The following BNC2 variants were observed in gnomAD, a reference collection of about 807,000 sequenced individuals.
The protein encoded by BNC2 is zinc finger protein basonuclin-2.
In BNC2, 20 loss-of-function variants were observed where a neutral mutation model predicts 76.3. That is an observed-to-expected ratio of 0.26 (90% CI 0.18 to 0.38). The LOEUF is 0.38. Ranked by LOEUF, BNC2 falls within the 10% of genes least tolerant of loss-of-function variation. BNC2 has a pLI of 1.00. For missense variants in BNC2, 1,382 were observed against 1,399.8 expected (o/e 0.99, Z 0.20); for synonymous variants, 582 against 514.8 (o/e 1.13, Z -1.77).
chr9:16,866,697 C>T (rs1373938324), intron 1 of BNC2, among the ~76,000 whole-genome samples: 4 of 150,796 alleles, frequency 2.7e-5, no homozygotes, highest in Non-Finnish European at 4.4e-5. Context: ...CATAATAGCA[C>T]CTCCCAGCCT....
intron 5 of BNC2, among the ~76,000 whole-genome samples, chr9:16,480,926 C>G (rs1217284342): frequency 6.6e-6 from 1 of 152,244 alleles, no homozygotes; most frequent in Non-Finnish European, 1.5e-5. Flanking sequence ...GCAGCTCCAC[C>G]TGCAGCCTGG....
intron 5 of BNC2, among the ~76,000 whole-genome samples, chr9:16,534,188 T>C (rs1818065371): frequency 6.6e-6 from 1 of 152,320 alleles, no homozygotes; most frequent in Admixed American, 6.5e-5. Context: ...GTTTTGGCAC[T>C]GTTAAGCTTT....
intron 1 of BNC2, among the ~76,000 whole-genome samples, chr9:16,842,828 T>G (rs1215892635): frequency 6.6e-6 from 1 of 152,212 alleles, no homozygotes; most frequent in African/African-American, 2.4e-5. Context: ...CTCGGCTCAC[T>G]GCAATCTCTG....
chr9:16,657,778 A>G (rs1481112072), intron 3 of BNC2, among the ~76,000 whole-genome samples: 2 of 152,212 alleles, frequency 1.3e-5, no homozygotes, highest in Non-Finnish European at 2.9e-5. Context: ...CAAATACACA[A>G]ATGCATCAAT....
intron 4 of BNC2, among the ~76,000 whole-genome samples, chr9:16,575,590 A>G (rs1819461250): frequency 6.6e-6 from 1 of 152,190 alleles, no homozygotes; most frequent in Admixed American, 6.5e-5. Context: ...ACTTAGTGCC[A>G]TTAATCAAGC....
chr9:16,546,040 C>T (rs149356789), intron 5 of BNC2, among the ~76,000 whole-genome samples: 162 of 152,274 alleles, frequency 1.1e-3, no homozygotes, highest in African/African-American at 3.8e-3. Flanking sequence ...ATACTAACGC[C>T]TAAAATGCAT....
chr9:16,458,563 G>T (rs146902318), intron 5 of BNC2, among the ~76,000 whole-genome samples: 1 of 152,240 alleles, frequency 6.6e-6, no homozygotes, highest in East Asian at 1.9e-4. Flanking sequence ...GATAATTTAG[G>T]GAGAGGAAAA....
intron 5 of BNC2, among the ~76,000 whole-genome samples, chr9:16,504,039 A>C (rs1286212384): frequency 6.6e-6 from 1 of 152,168 alleles, no homozygotes; most frequent in Non-Finnish European, 1.5e-5. Flanking sequence ...CAGCACCTAC[A>C]GGCAAGTCGG....
At chr9:16,524,079 T>C (rs1235085648) in intron 5 of BNC2, among the ~76,000 whole-genome samples, 2 of 152,216 alleles carry the variant, frequency 1.3e-5, no homozygotes, top group Non-Finnish European at 2.9e-5. Context: ...TCTCCACCTT[T>C]TCCTCTTTAC....
At chr9:16,437,619 A>AGTGTTT in intron 5 of BNC2, 95 bp from the exon 6 acceptor site, 1 of 1,414,846 alleles carries the variant, frequency 7.1e-7, no homozygotes, top group Non-Finnish European at 9.7e-7. Flanking sequence ...CTGTGTGCTC[A>AGTGTTT]TAAAACACTG....
At chr9:16,453,080 G>A (rs987737597) in intron 5 of BNC2, among the ~76,000 whole-genome samples, 2 of 152,146 alleles carry the variant, frequency 1.3e-5, no homozygotes, top group African/African-American at 2.4e-5. Flanking sequence ...GGGATTAAAA[G>A]TAACTATCTG....
chr9:16,640,877 A>G (rs1434967154), intron 3 of BNC2, among the ~76,000 whole-genome samples: 1 of 152,166 alleles, frequency 6.6e-6, no homozygotes, highest in Non-Finnish European at 1.5e-5. Context: ...CAGTTCTTAC[A>G]GTGAAACTAA....
At chr9:16,795,310 C>T (rs1236856664) in intron 1 of BNC2, among the ~76,000 whole-genome samples, 1 of 151,532 alleles carries the variant, frequency 6.6e-6, no homozygotes. Context: ...AGTCCAGAGA[C>T]GCCCAATCTG....
rs1241320939 is a variant in BNC2, at chr9:16,419,553, G to A, written c.2736C>T (p.Leu912=). The A allele has an allele frequency of 3.1e-6, 5 of 1,613,942 alleles. No homozygotes were observed. The highest frequency in any genetic ancestry group is 4.2e-6 in the Non-Finnish European group (5 of 1,179,998). ...DSSQPSLSKD[L]RDEFLVKIYG... ...ATATCTTCACCAAAAATTCATCGCG[G>A]AGGTCCTTGCTAAGGGAGGGCTGCG... Residue 912 remains leucine (L), a synonymous_variant, in exon 7 of 7, where the codon CTC becomes CTT. Transcript: ENST00000380672.
chr9:16,845,044 A>C (rs545609336), intron 1 of BNC2, among the ~76,000 whole-genome samples: 111 of 152,254 alleles, frequency 7.3e-4, no homozygotes, highest in African/African-American at 2.6e-3. Flanking sequence ...AAGAAGCCTA[A>C]ACCCCCTCCA....
At chr9:16,550,641 G>A (rs1202314648) in intron 5 of BNC2, among the ~76,000 whole-genome samples, 1 of 152,174 alleles carries the variant, frequency 6.6e-6, no homozygotes, top group Non-Finnish European at 1.5e-5. Flanking sequence ...TGGACAGAAA[G>A]ATACAATGTA....
intron 1 of BNC2, among the ~76,000 whole-genome samples, chr9:16,785,120 C>T (rs773972177): frequency 1.3e-5 from 2 of 152,152 alleles, no homozygotes; most frequent in Non-Finnish European, 1.5e-5. Context: ...TAGAAAAGAA[C>T]GGGAACTTTA....
intron 1 of BNC2, among the ~76,000 whole-genome samples, chr9:16,760,924 G>A (rs969108692): frequency 1.2e-4 from 18 of 152,092 alleles, no homozygotes; most frequent in Non-Finnish European, 2.1e-4. Flanking sequence ...GAACCAAGAA[G>A]TTCTGTTATC....
intron 3 of BNC2, among the ~76,000 whole-genome samples, chr9:16,594,823 G>A (rs1349002295): frequency 1.3e-5 from 2 of 152,038 alleles, no homozygotes; most frequent in African/African-American, 4.8e-5. Context: ...CCTGGGCATG[G>A]GAGGAAAGGA....
Sources: gnomAD v4.1 joint callset for allele counts (sites outside exome capture counted in the v4.1 genomes callset) on GRCh38, gnomAD v4.1.1 for gene constraint, MANE v1.5 for transcripts, NCBI Gene and HGNC (gene_info 2026-07-23, HGNC 2026-07-21) for gene names.